Variants in GET4 observed in about 807,000 individuals in gnomAD.
GET4 encodes the protein Golgi to ER traffic protein 4 homolog.
Under a neutral mutation model 40.0 loss-of-function variants are expected in GET4, and 20 were observed. The ratio of observed to expected loss-of-function variants is 0.50; its 90% CI spans 0.35 to 0.73. GET4 has a LOEUF of 0.73. Ranked by LOEUF, GET4 falls within the 30% of genes least tolerant of loss-of-function variation. The pLI is 0.01. For synonymous variants in GET4, 280 were observed against 194.6 expected, an observed-to-expected ratio of 1.44 and a Z score of -3.65; for missense variants, 557 against 454.0, an observed-to-expected ratio of 1.23 and a Z score of -2.06.
In GET4 at chr7:892,290, A is replaced by C; in HGVS notation, c.618A>C (p.Leu206Phe). 1.3e-6 allele frequency: 2 copies of C among 1,588,032 alleles called. No individual in the cohort carries two copies. The highest frequency in any genetic ancestry group is 8.6e-7 in the Non-Finnish European group (1 of 1,157,974). The change falls in exon 6 of 9, where the codon TTA becomes TTC. Residue 206 changes from leucine to phenylalanine, a missense_variant. Coordinates refer to ENST00000265857, the MANE Select transcript of GET4 (RefSeq NM_015949.3). ...TTCTCATTTCCAGGTTTCTCTGTTTAAAAAACAAAAGTAGCGCATCGGTGG... is the reference window on the plus strand; with the variant it reads ...TTCTCATTTCCAGGTTTCTCTGTTTCAAAAACAAAAGTAGCGCATCGGTGG... ...VAQAVLQFLCLKNKSSASVVF... is the reference protein window; with the variant it reads ...VAQAVLQFLCFKNKSSASVVF...
At chr7:879,262 G>T (rs1157675363) in intron 1 of GET4, among the ~76,000 whole-genome samples, 1 of 152,270 alleles carries the variant, frequency 6.6e-6, no homozygotes, top group Non-Finnish European at 1.5e-5. Context: ...CTGGAATGTA[G>T]CCTGGGTAAG....
At chr7:883,523 CTT>C in intron 1 of GET4, 2 of 985,388 alleles carry the variant, frequency 2.0e-6, no homozygotes, top group Non-Finnish European at 2.4e-6. Flanking sequence ...TGCCCAGACA[CTT>C]TGCTCTGTGG....
intron 6 of GET4, 117 bp downstream of exon 6, chr7:892,535 G>GTGGGTATATGCAT: frequency 9.3e-7 from 1 of 1,074,132 alleles, no homozygotes; most frequent in Non-Finnish European, 1.4e-6. Context: ...GGGTAGCCGT[G>GTGGGTATATGCAT]TGGGTATATG....
chr7:884,234 C>T (rs1307506811), intron 1 of GET4: 1 of 1,304,070 alleles, frequency 7.7e-7, no homozygotes, highest in Non-Finnish European at 1.0e-6. Flanking sequence ...CCACTGGCGG[C>T]ATCGTGAGGC....
At chr7:883,676 G>A (rs1016794217) in intron 1 of GET4, 26 of 985,488 alleles carry the variant, frequency 2.6e-5, no homozygotes, top group African/African-American at 1.7e-4. Context: ...ATGCAGAGCC[G>A]GGCCGGGAGA....
intron 1 of GET4, 186 bp from the exon 2 acceptor site, chr7:885,870 C>T: frequency 1.7e-6 from 1 of 598,460 alleles, no homozygotes; most frequent in Non-Finnish European, 3.0e-6. Context: ...CCCCATGCAG[C>T]CCTCATGGTC....
intron 5 of GET4, among the ~76,000 whole-genome samples, chr7:891,742 G>A (rs1357432709): frequency 6.6e-6 from 1 of 152,278 alleles, no homozygotes; most frequent in African/African-American, 2.4e-5. Context: ...GCCCGCTGCG[G>A]AGCTTTGCCA....
In GET4 at chr7:887,434, C is replaced by T; in HGVS notation, c.381C>T (p.Ser127=). The T allele has an allele frequency of 1.2e-6, 2 of 1,604,936 alleles. No individual in the cohort carries two copies. Among genetic ancestry groups the T allele is most frequent in the Non-Finnish European group, 8.5e-7 (1 of 1,174,790 alleles). ...CTCCTGAGCGCGTGACCTTTGTGTC[C>T]AGAGCCCTGAAGTGGTCCAGTGGGG... ...PNSPERVTFV[S]RALKWSSGGS... is the part of the protein sequence containing the mutation. Residue 127 remains serine, a synonymous_variant, in exon 4 of 9, where the codon TCC becomes TCT. Transcript: ENST00000265857.
At position 876,617 on chromosome 7, in the gene GET4, G is replaced by C. The variant is rs1361647341; in HGVS notation, c.-29G>C. On this transcript the variant is annotated 5_prime_UTR_variant, in exon 1 of 9. Coordinates refer to ENST00000265857, the MANE Select transcript of GET4 (RefSeq NM_015949.3). ...GGCGCTGCCGACCGCGCCTGCGACA[G>C]CGTCAGCCCTGCGCGGAGCGCCGGC... 3 of 1,177,934 alleles carry C rather than the reference G, an allele frequency of 2.5e-6. No homozygotes were observed. Among genetic ancestry groups the C allele is most frequent in the African/African-American group, 1.6e-5 (1 of 61,774 alleles). 73.0% of individuals were successfully genotyped at this position (1,177,934 alleles called of 1,614,324 possible).
At position 886,692 on chromosome 7, in the gene GET4, C is replaced by T. The variant is rs761303846; in HGVS notation, c.316+42C>T. The T allele has an allele frequency of 5.8e-6, 7 of 1,212,456 alleles. No individual in the cohort carries two copies. The African/African-American group carries it at 6.0e-5, about 10-fold the overall frequency. 75.1% of individuals were successfully genotyped at this position (1,212,456 alleles called of 1,614,324 possible). Reference sequence around the variant, plus strand: ...TCACCCCGGGACCCTGTGACAGCGGCCCCAGTACGCCCCTCCCCGGGTCTC... The same window carrying T: ...TCACCCCGGGACCCTGTGACAGCGGTCCCAGTACGCCCCTCCCCGGGTCTC... On this transcript the variant is annotated intron_variant, in intron 3 of 8. Transcript: ENST00000265857.
intron 6 of GET4, among the ~76,000 whole-genome samples, chr7:892,974 T>C (rs944159814): frequency 2.7e-5 from 4 of 150,656 alleles, no homozygotes; most frequent in Admixed American, 1.3e-4. Flanking sequence ...GTGTTGGGTG[T>C]TTGCAGGTAA....
intron 1 of GET4, chr7:884,003 C>T: frequency 1.8e-6 from 2 of 1,128,894 alleles, no homozygotes; most frequent in Non-Finnish European, 1.1e-6. Flanking sequence ...CAGTCCAAAC[C>T]AGGCCGGGGG....
At chr7:879,232 C>T (rs1035478856) in intron 1 of GET4, among the ~76,000 whole-genome samples, 3 of 152,278 alleles carry the variant, frequency 2.0e-5, no homozygotes, top group African/African-American at 4.8e-5. Flanking sequence ...CACGCCCAAC[C>T]TGTGCCTGCG....
At chr7:890,785 A>G (rs530018453) in intron 4 of GET4, 143 bp from the exon 5 acceptor site, 17 of 664,044 alleles carry the variant, frequency 2.6e-5, no homozygotes, top group South Asian at 1.4e-4. Flanking sequence ...AGTCCCTATC[A>G]GGACCTCTGC....
Position 893,158 on chromosome 7 carries a change from A to G in GET4, c.747-582A>G, listed in dbSNP as rs116903785. ...GTGTGTGCAGGTGAGTGTTGGGTGT[A>G]GGCGTGGTGGTGTTTGCAGGTGAGT... On this transcript the variant is annotated intron_variant, in intron 6 of 8. Transcript: ENST00000265857. Among the ~76,000 whole-genome samples, 850 of 61,834 alleles carry G rather than the reference A, an allele frequency of 0.014. 35 individuals carry two copies. In the East Asian group the frequency reaches 0.21, roughly 15 times the overall value. The allele number at this position is 61,834 out of a possible 152,430, so 40.6% of individuals were successfully genotyped here. A position where few individuals can be genotyped will look rare whatever the true frequency, so the allele number is the denominator to read the frequency against.
intron 4 of GET4, 87 bp from the exon 5 acceptor site, chr7:890,841 A>T: frequency 9.0e-7 from 1 of 1,109,390 alleles, no homozygotes; most frequent in Non-Finnish European, 1.4e-6. Context: ...CAGGTGGGCT[A>T]GAATTAACAT....
Position 895,567 on chromosome 7 carries a change from G to A in GET4, c.*145G>A, listed in dbSNP as rs973917310. ...TGCCGGCGCGTGTCTGTTTCTGTGC[G>A]GCGGCTCAGGGTGGCGCGGCTGCTG... On this transcript the variant is annotated 3_prime_UTR_variant, in exon 9 of 9. Coordinates refer to ENST00000265857, the MANE Select transcript of GET4 (RefSeq NM_015949.3). The A allele has an allele frequency of 5.4e-5, 28 of 520,438 alleles. No individual in the cohort carries two copies. Among genetic ancestry groups the A allele is most frequent in the South Asian group, 7.4e-5 (3 of 40,318 alleles). 32.2% of individuals were successfully genotyped at this position (520,438 alleles called of 1,614,324 possible).
rs201253827 is a variant in GET4, at chr7:893,932, G to A, written c.856G>A (p.Val286Ile). 9.3e-5 allele frequency: 149 copies of A among 1,608,210 alleles called. No individual in the cohort carries two copies. Among genetic ancestry groups the A allele is most frequent in the Middle Eastern group, 3.5e-4 (2 of 5,774 alleles). ...CCGCATAGGACAGCTGTTCTTCGGCGTCCCGCCCAAGCAGACGTCTTCCTA... is the reference window on the plus strand; with the variant it reads ...CCGCATAGGACAGCTGTTCTTCGGCATCCCGCCCAAGCAGACGTCTTCCTA... ...LDRIGQLFFG[V>I]PPKQTSSYGG... is the part of the protein sequence containing the mutation. The change falls in exon 8 of 9, where the codon GTC becomes ATC. Residue 286 changes from valine to isoleucine, a missense_variant. Transcript: ENST00000265857.
chr7:884,215 C>A, intron 1 of GET4: 1 of 1,303,814 alleles, frequency 7.7e-7, no homozygotes, highest in Non-Finnish European at 1.0e-6. Context: ...TGCGGTTCTG[C>A]CCGTGGCCCC....
Sources: allele counts gnomAD v4.1 joint callset (sites outside exome capture counted in the v4.1 genomes callset), GRCh38; gene constraint gnomAD v4.1.1; transcripts MANE v1.5; gene names NCBI Gene and HGNC (gene_info 2026-07-23, HGNC 2026-07-21).